The following CALN1 variants were observed in gnomAD, a reference collection of about 807,000 sequenced individuals.
CALN1 encodes the protein calcium-binding protein 8.
A neutral mutation model predicts 30.6 loss-of-function variants in CALN1; 17 were observed. The ratio of observed to expected loss-of-function variants is 0.56; its 90% CI spans 0.38 to 0.83. The LOEUF (loss-of-function observed/expected upper bound fraction) is 0.83, where lower values mean the gene tolerates loss of function less well. Ranked by LOEUF, CALN1 falls within the 40% of genes least tolerant of loss-of-function variation. The pLI is 0.00. For synonymous variants in CALN1, 156 were observed against 131.4 expected (o/e 1.19, Z -1.28); for missense variants, 291 against 354.9 (o/e 0.82, Z 1.45).
chr7:72,327,084 C>A (rs765404944), intron 2 of CALN1, among the ~76,000 whole-genome samples: 5 of 152,192 alleles, frequency 3.3e-5, no homozygotes, highest in Non-Finnish European at 7.3e-5. Context: ...GAGTTTGTGG[C>A]AGTTAATTCC....
At chr7:71,949,613 C>A (rs1221997937) in intron 5 of CALN1, among the ~76,000 whole-genome samples, 1 of 151,908 alleles carries the variant, frequency 6.6e-6, no homozygotes, top group Non-Finnish European at 1.5e-5. Flanking sequence ...CTCCTGACCT[C>A]AAGTGATTCA....
intron 2 of CALN1, among the ~76,000 whole-genome samples, chr7:72,351,014 A>C (rs2129559279): frequency 6.6e-6 from 1 of 152,198 alleles, no homozygotes. Context: ...GGTGGCAGGC[A>C]CCTATAAACC....
intron 3 of CALN1, among the ~76,000 whole-genome samples, chr7:72,251,251 G>GA (rs374456335): frequency 7.9e-5 from 12 of 152,032 alleles, no homozygotes; most frequent in African/African-American, 2.9e-4. Context: ...AACACACACT[G>GA]AACTTCCACA....
chr7:72,375,851 T>A (rs1276112105), intron 2 of CALN1, among the ~76,000 whole-genome samples: 1 of 152,196 alleles, frequency 6.6e-6, no homozygotes, highest in African/African-American at 2.4e-5. Context: ...GTTGTATAAC[T>A]ATTACAACTA....
At chr7:71,985,589 T>TC (rs2129527466) in intron 5 of CALN1, among the ~76,000 whole-genome samples, 1 of 139,144 alleles carries the variant, frequency 7.2e-6, no homozygotes, top group South Asian at 2.3e-4. Context: ...GTTTTCTTTT[T>TC]TTTTTTTTTT....
chr7:72,271,050 C>CA (rs1354577129), intron 3 of CALN1, among the ~76,000 whole-genome samples: 1 of 152,172 alleles, frequency 6.6e-6, no homozygotes, highest in African/African-American at 2.4e-5. Context: ...CAAGAGATAA[C>CA]AAGGATGATT....
chr7:71,833,870 T>C (rs991405453), intron 5 of CALN1, among the ~76,000 whole-genome samples: 1 of 152,176 alleles, frequency 6.6e-6, no homozygotes, highest in East Asian at 1.9e-4. Context: ...ATTGTGCTAC[T>C]GTACCCTAGC....
the CALN1 span, among the ~76,000 whole-genome samples, chr7:72,471,984 T>C: frequency 6.6e-6 from 1 of 152,040 alleles, no homozygotes; most frequent in Non-Finnish European, 1.5e-5. Flanking sequence ...TTTGTAGAGA[T>C]GGGGTCTTGC....
rs572404807 is a variant in CALN1, at chr7:72,196,644, T to A, written c.244+82042A>T. 3.9e-5 allele frequency among the ~76,000 whole-genome samples: 6 copies of A among 152,312 alleles called. No homozygotes were observed. In the South Asian group the frequency reaches 1.2e-3, roughly 32 times the overall value. On this transcript the variant is annotated intron_variant, in intron 3 of 6. Transcript: ENST00000395275. Reference sequence around the variant, plus strand: ...AAAAGAAAGATCTAGAGAAGCACACTGGGAGATAGGCCCAACTGATGGTGG... The same window carrying A: ...AAAAGAAAGATCTAGAGAAGCACACAGGGAGATAGGCCCAACTGATGGTGG...
Position 71,787,584 on chromosome 7 carries a change from GT to G in CALN1, c.*190del. On this transcript the variant is annotated 3_prime_UTR_variant, in exon 7 of 7. Coordinates refer to ENST00000395275, the MANE Select transcript of CALN1 (RefSeq NM_031468.4). ...AAAGCACTGAAGACAGCCCTTTAGT[GT>G]CCCTGCCAAGGAGATGAAGCTGAAG... 1 of 637,032 alleles carries G rather than the reference GT, an allele frequency of 1.6e-6. No homozygotes were observed. Among genetic ancestry groups the G allele is most frequent in the East Asian group, 2.8e-5 (1 of 35,290 alleles). The allele number at this position is 637,032 out of a possible 1,614,324, so 39.5% of individuals were successfully genotyped here. A position where few individuals can be genotyped will look rare whatever the true frequency, so the allele number is the denominator to read the frequency against.
At chr7:71,827,295 C>T (rs1469289805) in intron 5 of CALN1, among the ~76,000 whole-genome samples, 1 of 152,202 alleles carries the variant, frequency 6.6e-6, no homozygotes, top group Non-Finnish European at 1.5e-5. Flanking sequence ...CTGGTCCCCA[C>T]CTAGGCTGTC....
intron 2 of CALN1, among the ~76,000 whole-genome samples, chr7:72,391,019 T>C (rs951563328): frequency 6.6e-6 from 1 of 152,222 alleles, no homozygotes. Flanking sequence ...ATTGTAATTT[T>C]TCCTGACATT....
At chr7:72,370,159 T>A (rs1804139875) in intron 2 of CALN1, among the ~76,000 whole-genome samples, 1 of 152,218 alleles carries the variant, frequency 6.6e-6, no homozygotes, top group Admixed American at 6.5e-5. Flanking sequence ...TCAGACATTT[T>A]AAAAAGTATG....
intron 3 of CALN1, among the ~76,000 whole-genome samples, chr7:72,122,269 T>C (rs1018835372): frequency 6.6e-6 from 1 of 152,180 alleles, no homozygotes; most frequent in Non-Finnish European, 1.5e-5. Flanking sequence ...TAGAGACTCC[T>C]TGGCATCTGA....
intron 2 of CALN1, among the ~76,000 whole-genome samples, chr7:72,365,535 T>G (rs1235844286): frequency 6.6e-6 from 1 of 152,042 alleles, no homozygotes; most frequent in African/African-American, 2.4e-5. Flanking sequence ...GCCCAAGCGA[T>G]CCTCCTACCT....
intron 2 of CALN1, among the ~76,000 whole-genome samples, chr7:72,314,431 A>G (rs1016270915): frequency 6.8e-6 from 1 of 146,726 alleles, no homozygotes; most frequent in African/African-American, 2.5e-5. Context: ...ACATACATAG[A>G]TTTTTTTTTT....
intron 2 of CALN1, among the ~76,000 whole-genome samples, chr7:72,402,905 G>A (rs1019541978): frequency 2.0e-5 from 3 of 152,148 alleles, no homozygotes; most frequent in African/African-American, 4.8e-5. Flanking sequence ...AATTATTTGA[G>A]AATTGATTGA....
intron 3 of CALN1, among the ~76,000 whole-genome samples, chr7:72,108,966 A>G (rs1319237931): frequency 3.3e-5 from 5 of 152,178 alleles, no homozygotes; most frequent in Admixed American, 3.3e-4. Flanking sequence ...GACTGTTCAC[A>G]GCAGGTCATT....
chr7:72,207,648 A>T (rs1014399239), intron 3 of CALN1, among the ~76,000 whole-genome samples: 7 of 152,158 alleles, frequency 4.6e-5, no homozygotes, highest in Admixed American at 4.6e-4. Context: ...CCCTGCCAAA[A>T]ATATAAGCCT....
Sources: allele counts gnomAD v4.1 joint callset (sites outside exome capture counted in the v4.1 genomes callset), GRCh38; gene constraint gnomAD v4.1.1; transcripts MANE v1.5; gene names NCBI Gene and HGNC (gene_info 2026-07-23, HGNC 2026-07-21).